Variants in ETFA observed in about 807,000 individuals in gnomAD.
The protein encoded by ETFA is electron transfer flavoprotein subunit alpha, mitochondrial.
In ETFA, 22 loss-of-function variants were observed where a neutral mutation model predicts 46.2. That is an observed-to-expected ratio of 0.48 (90% CI 0.34 to 0.68). ETFA has a LOEUF of 0.68. Among genes scored for constraint, ETFA ranks in the 30% least tolerant of loss-of-function variants. ETFA has a pLI of 0.01. For synonymous variants in ETFA, 131 were observed against 139.9 expected, an observed-to-expected ratio of 0.94 and a Z score of 0.45; for missense variants, 345 against 401.1, an observed-to-expected ratio of 0.86 and a Z score of 1.19.
At chr15:76,306,151 A>G (rs2039937805) in intron 1 of ETFA, among the ~76,000 whole-genome samples, 1 of 151,956 alleles carries the variant, frequency 6.6e-6, no homozygotes, top group African/African-American at 2.4e-5. Context: ...CTACCCTTAC[A>G]AACCCACTCA....
intron 9 of ETFA, among the ~76,000 whole-genome samples, chr15:76,271,026 T>C (rs1596210797): frequency 6.6e-6 from 1 of 151,922 alleles, no homozygotes. Flanking sequence ...AAAAATTAGT[T>C]GGGCGGGTTG....
chr15:76,243,903 T>C (rs557977148), intron 9 of ETFA, among the ~76,000 whole-genome samples: 30 of 152,240 alleles, frequency 2.0e-4, no homozygotes, highest in African/African-American at 7.0e-4. Flanking sequence ...TTAGTTTTTT[T>C]GAGACAGAGT....
intron 9 of ETFA, among the ~76,000 whole-genome samples, chr15:76,250,477 T>C (rs887679201): frequency 6.6e-6 from 1 of 151,990 alleles, no homozygotes; most frequent in East Asian, 1.9e-4. Flanking sequence ...TAGGGATCTG[T>C]AGATATGTAG....
At chr15:76,226,415 C>A in intron 10 of ETFA, 1 of 164,634 alleles carries the variant, frequency 6.1e-6, no homozygotes, top group Non-Finnish European at 1.3e-5. Flanking sequence ...TAAAACCTGT[C>A]TCTACTAAAA....
chr15:76,260,449 T>C, intron 9 of ETFA: 1 of 1,574,474 alleles, frequency 6.4e-7, no homozygotes, highest in Non-Finnish European at 8.7e-7. Flanking sequence ...GGAGGGCCCT[T>C]CTGGCCTGCA....
At chr15:76,249,875 A>G (rs951865323) in intron 9 of ETFA, among the ~76,000 whole-genome samples, 23 of 152,210 alleles carry the variant, frequency 1.5e-4, no homozygotes, top group African/African-American at 5.1e-4. Context: ...TAAATAAGCA[A>G]AGTTCAGAGA....
chr15:76,257,868 G>A (rs2039360967), intron 9 of ETFA, among the ~76,000 whole-genome samples: 1 of 151,730 alleles, frequency 6.6e-6, no homozygotes, highest in South Asian at 2.1e-4. Flanking sequence ...GTCCTTTGTA[G>A]GGACATGGAT....
At chr15:76,259,665 C>A in intron 9 of ETFA, 1 of 964,570 alleles carries the variant, frequency 1.0e-6, no homozygotes. Flanking sequence ...ACAATAGTAG[C>A]CCCGCTGTAG....
chr15:76,267,986 G>A (rs1427742656), intron 9 of ETFA, among the ~76,000 whole-genome samples: 2 of 152,106 alleles, frequency 1.3e-5, no homozygotes, highest in Non-Finnish European at 2.9e-5. Context: ...CCTGTACAGT[G>A]CAAATTGAAG....
At chr15:76,292,314 C>T (rs986796194) in intron 4 of ETFA, 117 bp downstream of exon 4, 15 of 793,876 alleles carry the variant, frequency 1.9e-5, no homozygotes, top group African/African-American at 3.4e-5. Flanking sequence ...AAAACTACCA[C>T]ATCAATTCAG....
intron 1 of ETFA, among the ~76,000 whole-genome samples, chr15:76,308,607 C>T (rs1242500860): frequency 2.6e-5 from 4 of 152,076 alleles, no homozygotes; most frequent in Admixed American, 2.0e-4. Context: ...TGTCATCAAA[C>T]CCAAAGGAAG....
chr15:76,263,476 G>A (rs1185277953), intron 9 of ETFA, among the ~76,000 whole-genome samples: 1 of 152,196 alleles, frequency 6.6e-6, no homozygotes, highest in Non-Finnish European at 1.5e-5. Flanking sequence ...GGTAACAATG[G>A]GATGAAGTTA....
At chr15:76,291,037 G>C (rs185387788) in intron 4 of ETFA, among the ~76,000 whole-genome samples, 2 of 152,260 alleles carry the variant, frequency 1.3e-5, no homozygotes, top group Non-Finnish European at 2.9e-5. Flanking sequence ...ACAACATAGG[G>C]AGACTACATC....
chr15:76,259,561 C>T (rs2039381504), intron 9 of ETFA: 1 of 1,054,888 alleles, frequency 9.5e-7, no homozygotes, highest in Non-Finnish European at 1.5e-6. Flanking sequence ...ATGGTCACCC[C>T]GAAGGCCCAC....
intron 9 of ETFA, among the ~76,000 whole-genome samples, chr15:76,262,082 A>G (rs2039419770): frequency 6.6e-6 from 1 of 152,202 alleles, no homozygotes; most frequent in Admixed American, 6.5e-5. Context: ...AAAATTTTAA[A>G]AACAACTAAA....
intron 9 of ETFA, among the ~76,000 whole-genome samples, chr15:76,253,732 C>T (rs903931790): frequency 1.3e-5 from 2 of 152,048 alleles, no homozygotes; most frequent in Non-Finnish European, 2.9e-5. Flanking sequence ...TTTTGGATGG[C>T]CACAAGTGTA....
rs1466909697 is a variant in ETFA at position 76,274,488 on chromosome 15, G to A, written c.740C>T (p.Ala247Val). Residue 247 changes from alanine (A) to valine (V), a missense_variant, in exon 9 of 12, where the codon GCT becomes GTT. Coordinates refer to ENST00000557943, the MANE Select transcript of ETFA (RefSeq NM_000126.4). ...LADQLHAAVG[A>V]SRAAVDAGFV... ...GCCAGCATCAACAGCAGCACGGGAA[G>A]CACCAACTAAGGGGAAAAAATATTT... 6.2e-7 allele frequency: 1 copy of A among 1,606,468 alleles called. No homozygotes were observed. The highest frequency in any genetic ancestry group is 8.5e-7 in the Non-Finnish European group (1 of 1,175,174).
At chr15:76,255,453 C>T (rs2039338003) in intron 9 of ETFA, among the ~76,000 whole-genome samples, 1 of 152,152 alleles carries the variant, frequency 6.6e-6, no homozygotes, top group African/African-American at 2.4e-5. Context: ...TGCTGAGAGA[C>T]TAATAAAGGT....
intron 1 of ETFA, 150 bp downstream of exon 1, chr15:76,311,200 G>T: frequency 1.1e-6 from 1 of 917,624 alleles, no homozygotes; most frequent in South Asian, 1.6e-5. Context: ...GTAGGCCCCA[G>T]AACTTTGGAC....
Sources: gnomAD v4.1 joint callset for allele counts (sites outside exome capture counted in the v4.1 genomes callset) on GRCh38, gnomAD v4.1.1 for gene constraint, MANE v1.5 for transcripts, NCBI Gene and HGNC (gene_info 2026-07-23, HGNC 2026-07-21) for gene names.